Variants in LUZP2 observed in about 807,000 individuals in gnomAD.
The protein encoded by LUZP2 is leucine zipper protein 2.
Under a neutral mutation model 51.6 loss-of-function variants are expected in LUZP2, and 52 were observed. The ratio of observed to expected loss-of-function variants is 1.01; its 90% CI spans 0.81 to 1.27. The LOEUF is 1.27. LUZP2 is among the 50% of genes most tolerant of loss of function. LUZP2 has a pLI of 0.00. For synonymous variants in LUZP2, 154 were observed against 137.3 expected (o/e 1.12, Z -0.85); for missense variants, 436 against 395.4 (o/e 1.10, Z -0.87).
intron 1 of LUZP2, among the ~76,000 whole-genome samples, chr11:24,657,239 A>C (rs1855839094): frequency 6.6e-6 from 1 of 152,170 alleles, no homozygotes; most frequent in Non-Finnish European, 1.5e-5. Context: ...TGAATTTAAG[A>C]CATATTTTGA....
At chr11:24,518,039 T>C (rs540270804) in intron 1 of LUZP2, among the ~76,000 whole-genome samples, 3 of 152,118 alleles carry the variant, frequency 2.0e-5, no homozygotes, top group South Asian at 4.1e-4. Context: ...GAAAATGAAA[T>C]GGAAATGTAG....
At chr11:24,538,242 T>C (rs1851243181) in intron 1 of LUZP2, among the ~76,000 whole-genome samples, 1 of 151,848 alleles carries the variant, frequency 6.6e-6, no homozygotes, top group African/African-American at 2.4e-5. Flanking sequence ...ATAGTAATAA[T>C]GAACTACTAG....
intron 1 of LUZP2, among the ~76,000 whole-genome samples, chr11:24,586,863 T>A (rs954010047): frequency 2.6e-5 from 4 of 152,142 alleles, no homozygotes; most frequent in African/African-American, 9.6e-5. Flanking sequence ...ATATTATTAA[T>A]GCCAGAACAG....
intron 1 of LUZP2, among the ~76,000 whole-genome samples, chr11:24,715,443 A>C (rs1858007182): frequency 6.6e-6 from 1 of 152,112 alleles, no homozygotes. Flanking sequence ...ACTTCTCCAG[A>C]TTCTACCTTA....
chr11:24,625,368 AAAGG>A (rs1287141460), intron 1 of LUZP2, among the ~76,000 whole-genome samples: 40 of 151,882 alleles, frequency 2.6e-4, no homozygotes, highest in South Asian at 1.0e-3. Flanking sequence ...AAGGGAAAGG[AAAGG>A]AAGGAAGGAA....
intron 4 of LUZP2, among the ~76,000 whole-genome samples, chr11:24,754,836 C>T (rs117263747): frequency 3.0e-3 from 463 of 152,272 alleles, no homozygotes; most frequent in Non-Finnish European, 5.1e-3. Context: ...TGTTCTTCTA[C>T]TCTGCATCAT....
At chr11:24,949,334 C>CTCTA (rs1164713690) in intron 7 of LUZP2, among the ~76,000 whole-genome samples, 3 of 33,528 alleles carry the variant, frequency 8.9e-5, no homozygotes, top group Admixed American at 6.0e-4. Context: ...CTATCTATCT[C>CTCTA]TCTATCTATC....
chr11:24,663,140 A>G lies in LUZP2; in HGVS notation c.63-66029A>G, dbSNP rs115122599. Among the ~76,000 whole-genome samples the G allele has an allele frequency of 8.8e-3, 1,340 of 152,274 alleles. 16 individuals are homozygous for G. The highest frequency in any genetic ancestry group is 0.03 in the African/African-American group (1,257 of 41,556). ...TTAGTAATTATATTTTATAGGTAAT[A>G]GATATGGTTTGGATTTGTGTCCCTG... is the stretch of plus-strand genomic sequence containing the variant. On this transcript the variant is annotated intron_variant, in intron 1 of 11. Transcript: ENST00000336930.
intron 1 of LUZP2, among the ~76,000 whole-genome samples, chr11:24,602,225 T>TGCATATATGTGTATATATGCAA (rs1486513736): frequency 2.5e-5 from 1 of 40,240 alleles, no homozygotes; most frequent in Non-Finnish European, 6.0e-5. Context: ...TGTATATATG[T>TGCATATATGTGTATATATGCAA]ACATATATGT....
rs775652753 is a variant in LUZP2, at chr11:24,732,133, G to A, written c.196G>A (p.Glu66Lys). Residue 66 changes from glutamate (E) to lysine (K), a missense_variant, in exon 3 of 12, where the codon GAG becomes AAG. Coordinates refer to ENST00000336930, the MANE Select transcript of LUZP2 (RefSeq NM_001009909.4). ...TTCTTATCAGTCCTTAAAAAACGAT[G>A]AGCAGTCTGCCAAAACTGATGTTCA... ...KVNLQSLKND[E>K]QSAKTDVQKL... The A allele has an allele frequency of 3.7e-6, 6 of 1,608,712 alleles. No homozygotes were observed. In the Admixed American group the frequency reaches 8.4e-5, roughly 23 times the overall value.
At chr11:24,959,110 C>A (rs567210255) in intron 7 of LUZP2, among the ~76,000 whole-genome samples, 1 of 152,220 alleles carries the variant, frequency 6.6e-6, no homozygotes, top group Admixed American at 6.5e-5. Flanking sequence ...TTCCATTGAT[C>A]TATATCTCTG....
chr11:24,910,706 G>T (rs373816214), intron 6 of LUZP2, among the ~76,000 whole-genome samples: 11 of 152,318 alleles, frequency 7.2e-5, no homozygotes, highest in African/African-American at 2.6e-4. Context: ...TCCTGCAGGG[G>T]CGGAAGCCAC....
At chr11:25,026,408 C>T (rs987387865) in intron 9 of LUZP2, among the ~76,000 whole-genome samples, 3 of 152,058 alleles carry the variant, frequency 2.0e-5, no homozygotes, top group Non-Finnish European at 2.9e-5. Flanking sequence ...TACAAACTAT[C>T]CTCTAGAGAT....
chr11:24,561,318 A>C (rs1164423042), intron 1 of LUZP2, among the ~76,000 whole-genome samples: 4 of 152,190 alleles, frequency 2.6e-5, no homozygotes, highest in African/African-American at 9.6e-5. Flanking sequence ...TGACAAGTTT[A>C]CTTCGTTGTC....
chr11:24,588,231 G>C (rs1486951591), intron 1 of LUZP2, among the ~76,000 whole-genome samples: 13 of 151,946 alleles, frequency 8.6e-5, no homozygotes, highest in Admixed American at 8.5e-4. Context: ...AGTCATCCTT[G>C]AATCATAGAT....
chr11:25,074,940 A>G, intron 10 of LUZP2, among the ~76,000 whole-genome samples: 1 of 152,160 alleles, frequency 6.6e-6, no homozygotes, highest in East Asian at 1.9e-4. Flanking sequence ...CTTAAATGAC[A>G]GGAACTCCAC....
At chr11:24,601,911 T>A (rs1253802290) in intron 1 of LUZP2, among the ~76,000 whole-genome samples, 1 of 123,064 alleles carries the variant, frequency 8.1e-6, no homozygotes, top group Admixed American at 9.3e-5. Context: ...TATGTATATA[T>A]GTATATATGT....
At chr11:25,029,658 AC>A (rs1194168437) in intron 9 of LUZP2, among the ~76,000 whole-genome samples, 1 of 148,648 alleles carries the variant, frequency 6.7e-6, no homozygotes, top group Non-Finnish European at 1.5e-5. Context: ...AATCATTTGA[AC>A]CCGGGAGGCG....
intron 5 of LUZP2, among the ~76,000 whole-genome samples, chr11:24,904,436 C>A (rs1590711756): frequency 6.6e-6 from 1 of 152,154 alleles, no homozygotes; most frequent in Middle Eastern, 3.4e-3. Context: ...GCACCCACCA[C>A]CACGCCCGGC....
Sources: gnomAD v4.1 joint callset for allele counts (sites outside exome capture counted in the v4.1 genomes callset) on GRCh38, gnomAD v4.1.1 for gene constraint, MANE v1.5 for transcripts, NCBI Gene and HGNC (gene_info 2026-07-23, HGNC 2026-07-21) for gene names.